Variants in L3MBTL4 observed in about 807,000 individuals in gnomAD.
L3MBTL4 encodes L3MBTL histone methyl-lysine binding protein 4, also known as lethal(3)malignant brain tumor-like protein 4.
In L3MBTL4, 70 loss-of-function variants were observed where a neutral mutation model predicts 84.5. The ratio of observed to expected loss-of-function variants is 0.83; its 90% CI spans 0.68 to 1.01. The LOEUF (loss-of-function observed/expected upper bound fraction) is 1.01. Ranked by LOEUF, L3MBTL4 falls within the 50% of genes least tolerant of loss-of-function variation. L3MBTL4 has a pLI of 0.00. For missense variants in L3MBTL4, 715 were observed against 754.8 expected (o/e 0.95, Z 0.62); for synonymous variants, 274 against 259.8 (o/e 1.05, Z -0.52).
At chr18:6,321,659 G>A (rs908925315) in intron 1 of L3MBTL4, among the ~76,000 whole-genome samples, 4 of 152,054 alleles carry the variant, frequency 2.6e-5, no homozygotes, top group Non-Finnish European at 2.9e-5. Flanking sequence ...AAGTACCATC[G>A]TTCAGTGGGT....
At chr18:6,054,480 C>T (rs1235462022) in intron 16 of L3MBTL4, among the ~76,000 whole-genome samples, 1 of 152,184 alleles carries the variant, frequency 6.6e-6, no homozygotes, top group African/African-American at 2.4e-5. Flanking sequence ...ACTCTTACTG[C>T]CAGTGAATGG....
At chr18:6,323,135 C>T (rs1414660301) in intron 1 of L3MBTL4, among the ~76,000 whole-genome samples, 3 of 152,210 alleles carry the variant, frequency 2.0e-5, no homozygotes, top group Admixed American at 6.5e-5. Flanking sequence ...GAAGTTGATG[C>T]CACCATGCTT....
chr18:6,324,896 T>A (rs866291435), intron 1 of L3MBTL4, among the ~76,000 whole-genome samples: 1 of 152,110 alleles, frequency 6.6e-6, no homozygotes, highest in South Asian at 2.1e-4. Flanking sequence ...ACACCAAAAT[T>A]TATGAAAAGT....
At chr18:6,005,029 C>CTTTTTTTTTTTTTTTTTTTT (rs1598412472) in intron 16 of L3MBTL4, among the ~76,000 whole-genome samples, 14 of 44,546 alleles carry the variant, frequency 3.1e-4, no homozygotes, top group Non-Finnish European at 4.8e-4. Context: ...TTTTTTTTTA[C>CTTTTTTTTTTTTTTTTTTTT]TTTTAGTTCA....
intron 16 of L3MBTL4, chr18:6,030,823 T>A: frequency 1.0e-6 from 1 of 985,346 alleles, no homozygotes; most frequent in Non-Finnish European, 1.2e-6. Context: ...AAGTAAAACA[T>A]TTTAAAACAG....
chr18:6,054,183 G>A (rs1305929760), intron 16 of L3MBTL4, among the ~76,000 whole-genome samples: 2 of 152,040 alleles, frequency 1.3e-5, no homozygotes, highest in Non-Finnish European at 2.9e-5. Flanking sequence ...CTGATGGACT[G>A]AGACACCTGA....
intron 12 of L3MBTL4, among the ~76,000 whole-genome samples, chr18:6,184,433 A>G (rs1310431936): frequency 2.0e-5 from 3 of 152,228 alleles, no homozygotes. Context: ...TGTCCATTCA[A>G]ATTATATAAA....
chr18:6,330,542 A>G (rs2051976905), intron 1 of L3MBTL4, among the ~76,000 whole-genome samples: 1 of 152,236 alleles, frequency 6.6e-6, no homozygotes, highest in Non-Finnish European at 1.5e-5. Context: ...GGAACTATGC[A>G]ATTACATGGG....
chr18:6,089,748 A>G (rs2058378057), intron 15 of L3MBTL4, among the ~76,000 whole-genome samples: 1 of 152,218 alleles, frequency 6.6e-6, no homozygotes, highest in African/African-American at 2.4e-5. Flanking sequence ...ATTGTTTAGC[A>G]TAACGCTTTG....
chr18:6,400,873 G>T (rs1217065052), intron 1 of L3MBTL4, among the ~76,000 whole-genome samples: 2 of 152,178 alleles, frequency 1.3e-5, no homozygotes, highest in African/African-American at 4.8e-5. Flanking sequence ...GACCTCAGGT[G>T]CTGACCACGG....
intron 5 of L3MBTL4, among the ~76,000 whole-genome samples, chr18:6,263,075 C>A (rs1032118063): frequency 9.2e-5 from 14 of 152,176 alleles, no homozygotes; most frequent in Admixed American, 2.0e-4. Context: ...GAGATGGAGA[C>A]CACCCTGGCC....
chr18:6,138,156 A>G (rs1362340188), intron 14 of L3MBTL4, 38 bp downstream of exon 14: 31 of 1,394,036 alleles, frequency 2.2e-5, no homozygotes, highest in Non-Finnish European at 3.0e-5. Context: ...GAATGTTTCC[A>G]TTCATCCAGG....
chr18:6,192,337 T>C (rs763456566), intron 12 of L3MBTL4, among the ~76,000 whole-genome samples: 9 of 152,098 alleles, frequency 5.9e-5, no homozygotes, highest in Non-Finnish European at 1.3e-4. Context: ...GAGCAGTGAG[T>C]TGCTGAAAGG....
At chr18:6,181,947 C>G (rs1158068357) in intron 12 of L3MBTL4, among the ~76,000 whole-genome samples, 1 of 152,136 alleles carries the variant, frequency 6.6e-6, no homozygotes, top group Admixed American at 6.5e-5. Flanking sequence ...GTCTTTGCTA[C>G]TGTAAGTAGT....
intron 13 of L3MBTL4, among the ~76,000 whole-genome samples, chr18:6,146,451 G>T (rs1032992658): frequency 6.6e-6 from 1 of 152,130 alleles, no homozygotes; most frequent in Non-Finnish European, 1.5e-5. Flanking sequence ...TAGAGGAAGC[G>T]CTACGAGGAA....
intron 16 of L3MBTL4, among the ~76,000 whole-genome samples, chr18:5,980,141 A>ATAGT (rs5822884): frequency 0.5 from 75,523 of 151,848 alleles, 19,492 homozygotes; most frequent in East Asian, 0.9. Flanking sequence ...GCTGACAGAC[A>ATAGT]TAGAAAAGTC....
At chr18:6,270,750 T>A (rs11874155) in intron 4 of L3MBTL4, among the ~76,000 whole-genome samples, 7,234 of 152,228 alleles carry the variant, frequency 0.048, 579 homozygotes, top group African/African-American at 0.16. Context: ...CACTCAGCAG[T>A]AGGCTGCACT....
intron 16 of L3MBTL4, among the ~76,000 whole-genome samples, chr18:6,054,721 C>T (rs1364818465): frequency 6.6e-6 from 1 of 152,210 alleles, no homozygotes; most frequent in Admixed American, 6.5e-5. Flanking sequence ...ACCAGCGCTG[C>T]TCTTATTTAC....
At chr18:6,300,370 T>A (rs114589609) in intron 4 of L3MBTL4, among the ~76,000 whole-genome samples, 3,854 of 152,212 alleles carry the variant, frequency 0.025, 115 homozygotes, top group African/African-American at 0.076. Context: ...CAATATATTA[T>A]CAGATTTAAA....
Sources: gnomAD v4.1 joint callset for allele counts (sites outside exome capture counted in the v4.1 genomes callset) on GRCh38, gnomAD v4.1.1 for gene constraint, MANE v1.5 for transcripts, NCBI Gene and HGNC (gene_info 2026-07-23, HGNC 2026-07-21) for gene names.